NT5DC2: variants seen among roughly 807,000 people sequenced by gnomAD.
NT5DC2 encodes the protein 5'-nucleotidase domain-containing protein 2.
Under a neutral mutation model 70.0 loss-of-function variants are expected in NT5DC2, and 41 were observed. The ratio of observed to expected loss-of-function variants is 0.59; its 90% confidence interval spans 0.46 to 0.76. NT5DC2 has a LOEUF of 0.76. Ranked by LOEUF, NT5DC2 falls within the 30% of genes least tolerant of loss-of-function variation. The probability of loss-of-function intolerance (pLI) is 0.00; values close to 1 mark genes in which losing one functional copy is unlikely to be tolerated. For missense variants in NT5DC2, 705 were observed against 783.2 expected (o/e 0.90, Z 1.19); for synonymous variants, 299 against 310.4 (o/e 0.96, Z 0.39).
At chr3:52,524,796 G>GCCCTGGCCCCA in intron 13 of NT5DC2, 21 bp downstream of exon 13, 1 of 1,612,516 alleles carries the variant, frequency 6.2e-7, no homozygotes, top group Non-Finnish European at 8.5e-7. Context: ...TGGGACTCCT[G>GCCCTGGCCCCA]CCCTGGCCCC....
At position 52,529,636 on chromosome 3, in the gene NT5DC2, C is replaced by T. The variant is rs933697838; in HGVS notation, c.233-302G>A. Among the ~76,000 whole-genome samples the T allele has an allele frequency of 6.6e-6, 1 of 152,126 alleles. No individual in the cohort carries two copies. The stretch of plus-strand genomic sequence containing the variant: ...TGAGCCCGTGACTACTCCAGGCCCT[C>T]ACCACTAAGCCCCATCAGACACAAG... On this transcript the variant is annotated intron_variant, in intron 1 of 13. Coordinates refer to ENST00000422318, the MANE Select transcript of NT5DC2 (RefSeq NM_001134231.2). This position sits in a 1 kb window ranked among gnomAD's most constrained non-coding sequence, Gnocchi z 4.1.
chr3:52,528,794 C>T (rs532375716), intron 3 of NT5DC2, 67 bp downstream of exon 3: 67 of 1,599,340 alleles, frequency 4.2e-5, no homozygotes, highest in South Asian at 1.3e-4. Context: ...CTGGATGGGA[C>T]GGAGGGGTAA....
chr3:52,533,956 C>T, upstream of NT5DC2: 3 of 459,542 alleles, frequency 6.5e-6, no homozygotes, highest in African/African-American at 2.2e-5. Flanking sequence ...GCGGGGAGGG[C>T]TCCCCAGCCC....
chr3:52,533,898 C>G, upstream of NT5DC2: 4 of 943,006 alleles, frequency 4.2e-6, no homozygotes, highest in Non-Finnish European at 5.0e-6. Context: ...TGGGCGCGCC[C>G]CTCGGCCCGG....
At chr3:52,527,205 G>C in intron 10 of NT5DC2, 89 bp downstream of exon 10, 1 of 1,251,398 alleles carries the variant, frequency 8.0e-7, no homozygotes, top group Non-Finnish European at 1.2e-6. Context: ...GAGCTGTGCT[G>C]CTTCTTCAGA....
Position 52,528,660 on chromosome 3 carries a change from G to C in NT5DC2, c.525C>G (p.Tyr175Ter). ...SLLMKIDAFH[Y>*]VQLGTAYRGL... ...ACCTGTAGGCTGTCCCCAGCTGCAC[G>C]TAGTGGAAGGCGTCAATCTTCATCA... is the stretch of plus-strand genomic sequence containing the variant. The change falls in exon 4 of 14, where the codon TAC becomes TAG. Residue 175 changes from tyrosine to a stop codon, truncating the protein, a stop_gained. Transcript: ENST00000422318. LOFTEE classifies it high-confidence loss of function. The C allele has an allele frequency of 6.3e-7, 1 of 1,589,532 alleles. No homozygotes were observed. The highest frequency in any genetic ancestry group is 1.1e-5 in the South Asian group (1 of 87,998).
intron 8 of NT5DC2, 45 bp downstream of exon 8, chr3:52,527,784 G>A (rs887370785): frequency 1.9e-6 from 3 of 1,611,214 alleles, no homozygotes; most frequent in Non-Finnish European, 2.5e-6. Flanking sequence ...TCCCCACCCA[G>A]AGCCCTGGCC....
intron 6 of NT5DC2, 33 bp downstream of exon 6, chr3:52,528,150 C>T: frequency 6.2e-7 from 1 of 1,613,024 alleles, no homozygotes; most frequent in South Asian, 1.1e-5. Flanking sequence ...CTTAGTCTTT[C>T]CTGCCATCCG....
Position 52,529,277 on chromosome 3 carries a change from T to C in NT5DC2, c.290A>G (p.Asn97Ser), listed in dbSNP as rs757803797. The C allele has an allele frequency of 1.9e-6, 3 of 1,613,646 alleles. No homozygotes were observed. Among genetic ancestry groups the C allele is most frequent in the African/African-American group, 1.3e-5 (1 of 74,834 alleles). ...LLNPAAIYAN[N>S]EISLRDVEVY... Reference sequence around the variant, plus strand: ...CTCAACGTCACGCAGGCTGATCTCGTTGTTGGCGTAGATGGCTGCTGGGTT... The same window carrying C: ...CTCAACGTCACGCAGGCTGATCTCGCTGTTGGCGTAGATGGCTGCTGGGTT... The change falls in exon 2 of 14, where the codon AAC becomes AGC. Residue 97 changes from asparagine (N) to serine (S), a missense_variant. Physicochemically the swap from Asn to Ser is conservative, Grantham distance 46 (BLOSUM62 1). Transcript: ENST00000422318. The surrounding 1 kb of genome is among the most constrained non-coding windows in gnomAD (Gnocchi z 4.1).
rs2079239284 is a variant in NT5DC2 at position 52,525,232 on chromosome 3, C to A, written c.1183G>T (p.Asp395Tyr). The A allele has an allele frequency of 6.2e-7, 1 of 1,612,404 alleles. No individual in the cohort carries two copies. The highest frequency in any genetic ancestry group is 1.1e-5 in the South Asian group (1 of 90,950). ...ACCGCCAGATCACTATAGAGGTGGT[C>A]CCCGAAGTAGAGCACGCGGGGGCCA... ...WRGPRVLYFG[D>Y]HLYSDLADLM... Residue 395 changes from aspartate (D) to tyrosine (Y), a missense_variant, in exon 11 of 14, where the codon GAC becomes TAC. By Grantham distance (160) the Asp-to-Tyr change is radical. Coordinates refer to ENST00000422318, the MANE Select transcript of NT5DC2 (RefSeq NM_001134231.2).
chr3:52,524,675 T>A lies in NT5DC2; in HGVS notation c.1469A>T (p.His490Leu), dbSNP rs1553682922. 6.2e-7 allele frequency: 1 copy of A among 1,612,866 alleles called. No individual in the cohort carries two copies. Among genetic ancestry groups the A allele is most frequent in the East Asian group, 2.2e-5 (1 of 44,868 alleles). ...GCGCCTTGAGAAGTAGGTGGGGTTG[T>A]GGAAGGTGCGGAAGATGCTGCCGAA... ...AQFGSIFRTF[H>L]NPTYFSRRLV... is the part of the protein sequence containing the mutation. The change falls in exon 14 of 14, where the codon CAC becomes CTC. Residue 490 changes from histidine to leucine, a missense_variant. Transcript: ENST00000422318.
intron 9 of NT5DC2, 102 bp downstream of exon 9, chr3:52,527,508 CACATTGG>C (rs1426229357): frequency 4.1e-6 from 6 of 1,450,822 alleles, no homozygotes; most frequent in Admixed American, 3.8e-5. Context: ...TCACCCCAAG[CACATTGG>C]GCAGTGGGCA....
At chr3:52,531,000 G>A (rs762289371) in intron 1 of NT5DC2, among the ~76,000 whole-genome samples, 8 of 152,214 alleles carry the variant, frequency 5.3e-5, no homozygotes, top group Non-Finnish European at 8.8e-5. Context: ...CCCCAGTGCC[G>A]ATGACAAAGC....
Position 52,533,717 on chromosome 3 carries a change from C to T in NT5DC2, c.21G>A (p.Arg7=). 9.0e-6 allele frequency: 9 copies of T among 995,042 alleles called. No homozygotes were observed. The highest frequency in any genetic ancestry group is 1.1e-5 in the Non-Finnish European group (9 of 837,998). The allele number at this position is 995,042 out of a possible 1,614,324, so 61.6% of individuals were successfully genotyped here. A position where few individuals can be genotyped will look rare whatever the true frequency, so the allele number is the denominator to read the frequency against. MAGAGL[R]AAARRWLLCG... ...ACAGCAGCCAGCGCCGAGCGGCCGC[C>T]CGCAGCCCCGCACCCGCCATGCCCA... is the stretch of plus-strand genomic sequence containing the variant. Residue 7 remains arginine (R), a synonymous_variant, in exon 1 of 14, where the codon CGG becomes CGA. Transcript: ENST00000422318.
chr3:52,533,366 A>G, intron 1 of NT5DC2, 140 bp downstream of exon 1: 1 of 911,236 alleles, frequency 1.1e-6, no homozygotes, highest in Non-Finnish European at 1.5e-6. Flanking sequence ...TTCTCGCGAA[A>G]AGCCGCCCGG....
At position 52,524,892 on chromosome 3, in the gene NT5DC2, A is replaced by G. The variant is rs1218877501; in HGVS notation, c.1348-11T>C. 1.2e-6 allele frequency: 2 copies of G among 1,611,940 alleles called. No homozygotes were observed. The highest frequency in any genetic ancestry group is 1.7e-6 in the Non-Finnish European group (2 of 1,179,610). On this transcript the variant is annotated splice_polypyrimidine_tract_variant and intron_variant, in intron 12 of 13. Coordinates refer to ENST00000422318, the MANE Select transcript of NT5DC2 (RefSeq NM_001134231.2). ...CGCGTCCTGATAGGTCTGGGGACAC[A>G]AAGTGTGCATTGGGTGTGTGCACCC...
rs1373646947 is a variant in NT5DC2 at position 52,529,123 on chromosome 3, T to G, written c.417+27A>C. On this transcript the variant is annotated intron_variant, in intron 2 of 13. Coordinates refer to ENST00000422318, the MANE Select transcript of NT5DC2 (RefSeq NM_001134231.2). This position sits in a 1 kb window ranked among gnomAD's most constrained non-coding sequence, Gnocchi z 4.1. The stretch of plus-strand genomic sequence containing the variant: ...CTGGCCAGCCTCCAAGCCCTGGGTT[T>G]GTTGGTGGCAAGGACCCCCGTCTCA... The G allele has an allele frequency of 6.2e-7, 1 of 1,613,436 alleles. No homozygotes were observed. Among genetic ancestry groups the G allele is most frequent in the Non-Finnish European group, 8.5e-7 (1 of 1,179,544 alleles).
At position 52,525,242 on chromosome 3, in the gene NT5DC2, G is replaced by A. The variant is rs775233649; in HGVS notation, c.1173C>T (p.Leu391=). The change falls in exon 11 of 14, where the codon CTC becomes CTT. Residue 391 remains leucine (L), a synonymous_variant. Coordinates refer to ENST00000422318, the MANE Select transcript of NT5DC2 (RefSeq NM_001134231.2). The part of the protein sequence containing the change: ...RLTEWRGPRV[L]YFGDHLYSDL... ...CACTATAGAGGTGGTCCCCGAAGTA[G>A]AGCACGCGGGGGCCACGCCATTCCG... The A allele has an allele frequency of 5.6e-5, 91 of 1,612,650 alleles. No homozygotes were observed. The highest frequency in any genetic ancestry group is 7.4e-5 in the Non-Finnish European group (87 of 1,179,948).
At chr3:52,533,334 C>T (rs754740712) in intron 1 of NT5DC2, among the ~76,000 whole-genome samples, 172 bp downstream of exon 1, 1 of 151,966 alleles carries the variant, frequency 6.6e-6, no homozygotes, top group Non-Finnish European at 1.5e-5. Context: ...CCCCAGAGGC[C>T]CCCGGGATGA....
Sources: allele counts gnomAD v4.1 joint callset (sites outside exome capture counted in the v4.1 genomes callset), GRCh38; gene constraint gnomAD v4.1.1; non-coding constraint Gnocchi (gnomAD v3.1); transcripts MANE v1.5; gene names NCBI Gene and HGNC (gene_info 2026-07-23, HGNC 2026-07-21).